TRPM3: variants seen among roughly 807,000 people sequenced by gnomAD.
TRPM3 encodes the protein transient receptor potential cation channel subfamily M member 3, also known as long transient receptor potential channel 3.
Under a neutral mutation model 181.2 loss-of-function variants are expected in TRPM3, and 77 were observed. That is an observed-to-expected ratio of 0.42 (90% CI 0.35 to 0.51). The LOEUF (loss-of-function observed/expected upper bound fraction) is 0.51. Among genes scored for constraint, TRPM3 ranks in the 20% least tolerant of loss-of-function variants. TRPM3 has a pLI of 0.01. For synonymous variants in TRPM3, 745 were observed against 796.4 expected (o/e 0.94, Z 1.09); for missense variants, 1,759 against 2,196.7 (o/e 0.80, Z 3.98).
chr9:71,305,898 TAGGATC>T (rs990537867), intron 1 of TRPM3, among the ~76,000 whole-genome samples: 1 of 152,138 alleles, frequency 6.6e-6, no homozygotes, highest in African/African-American at 2.4e-5. Flanking sequence ...ATCTATCTTA[TAGGATC>T]AGGGTTTTTT....
intron 1 of TRPM3, among the ~76,000 whole-genome samples, chr9:71,222,879 T>C (rs2080325152): frequency 6.6e-6 from 1 of 152,170 alleles, no homozygotes; most frequent in Non-Finnish European, 1.5e-5. Flanking sequence ...GAATTGCCCA[T>C]GGCAGAGATT....
At chr9:71,041,094 C>G (rs12341381) in intron 1 of TRPM3, among the ~76,000 whole-genome samples, 6,766 of 152,088 alleles carry the variant, frequency 0.044, 249 homozygotes, top group African/African-American at 0.097. Context: ...GATCACTGTA[C>G]TAGTGTTAGG....
chr9:70,775,501 T>G (rs1391718860), intron 7 of TRPM3: 3 of 152,142 alleles, frequency 2.0e-5, no homozygotes, highest in Non-Finnish European at 4.4e-5. Context: ...CAGTGGATCT[T>G]GAGTCCAAGC....
intron 1 of TRPM3, among the ~76,000 whole-genome samples, chr9:71,334,258 C>T (rs183926855): frequency 6.6e-6 from 1 of 151,626 alleles, no homozygotes; most frequent in East Asian, 1.9e-4. Context: ...TTAAATCTGC[C>T]TAATATTTTG....
At chr9:71,376,374 T>G (rs1009743930) in intron 1 of TRPM3, among the ~76,000 whole-genome samples, 1 of 152,062 alleles carries the variant, frequency 6.6e-6, no homozygotes, top group Non-Finnish European at 1.5e-5. Flanking sequence ...ACATGAATAT[T>G]TTAATAGAAT....
At chr9:71,307,897 T>G (rs778108739) in intron 1 of TRPM3, among the ~76,000 whole-genome samples, 1 of 152,110 alleles carries the variant, frequency 6.6e-6, no homozygotes, top group Non-Finnish European at 1.5e-5. Flanking sequence ...TTTATTTTGT[T>G]TTAAAAATTT....
Position 70,929,500 on chromosome 9 carries a change from T to A in TRPM3, c.178-64989A>T, listed in dbSNP as rs751863603. Among the ~76,000 whole-genome samples, 318 of 152,230 alleles carry A rather than the reference T, an allele frequency of 2.1e-3. 1 individual carries two copies. The highest frequency in any genetic ancestry group is 3.4e-3 in the Middle Eastern group (1 of 294). ...TACAGGCGTGACCCACCGGCCTTTT[T>A]AAAATTATTTTATTTATTTATTTAT... is the stretch of plus-strand genomic sequence containing the variant. On this transcript the variant is annotated intron_variant, in intron 1 of 25. Transcript: ENST00000677713.
chr9:70,871,041 AAGAT>A (rs2095780069), intron 1 of TRPM3, among the ~76,000 whole-genome samples: 2 of 151,958 alleles, frequency 1.3e-5, no homozygotes, highest in South Asian at 2.1e-4. Flanking sequence ...ATTAAGTAAA[AAGAT>A]AGAGGGATCA....
At chr9:70,923,879 T>C (rs900841019) in intron 1 of TRPM3, among the ~76,000 whole-genome samples, 4 of 149,002 alleles carry the variant, frequency 2.7e-5, no homozygotes, top group Non-Finnish European at 5.9e-5. Flanking sequence ...TACATATATA[T>C]ACACACACAC....
chr9:70,876,563 A>T (rs11787887), intron 1 of TRPM3, among the ~76,000 whole-genome samples: 11,087 of 151,840 alleles, frequency 0.073, 493 homozygotes, highest in Middle Eastern at 0.13. Context: ...AAGATAGCAC[A>T]AAAATACAGA....
intron 1 of TRPM3, among the ~76,000 whole-genome samples, chr9:71,191,074 T>C (rs972654994): frequency 6.6e-6 from 1 of 151,838 alleles, no homozygotes; most frequent in Non-Finnish European, 1.5e-5. Flanking sequence ...GGAGCCATTG[T>C]CTTAGATTTA....
At chr9:70,983,254 T>C (rs1339165150) in intron 1 of TRPM3, among the ~76,000 whole-genome samples, 2 of 152,156 alleles carry the variant, frequency 1.3e-5, no homozygotes, top group Non-Finnish European at 2.9e-5. Context: ...CTTTTGTAGG[T>C]TGATGCTGCT....
At chr9:70,538,072 C>T (rs1279172747) in intron 25 of TRPM3, among the ~76,000 whole-genome samples, 2 of 152,102 alleles carry the variant, frequency 1.3e-5, no homozygotes, top group Non-Finnish European at 2.9e-5. Flanking sequence ...CTAATCTAAT[C>T]CAATCCCTTC....
intron 1 of TRPM3, among the ~76,000 whole-genome samples, chr9:71,420,634 A>T (rs2093715072): frequency 7.2e-6 from 1 of 138,174 alleles, no homozygotes; most frequent in Non-Finnish European, 1.6e-5. Flanking sequence ...AAAGAAAAAG[A>T]AAAAGAGAGA....
intron 6 of TRPM3, among the ~76,000 whole-genome samples, chr9:70,815,089 A>AT (rs982275028): frequency 3.3e-4 from 50 of 152,154 alleles, no homozygotes; most frequent in East Asian, 5.8e-4. Flanking sequence ...CCTTTCAGGT[A>AT]TTTTTATAAG....
At chr9:71,385,647 A>C in intron 1 of TRPM3, among the ~76,000 whole-genome samples, 1 of 152,174 alleles carries the variant, frequency 6.6e-6, no homozygotes, top group East Asian at 1.9e-4. Flanking sequence ...GTTACTATTG[A>C]TATAATTACA....
chr9:70,577,785 T>G (rs1343007546), intron 22 of TRPM3, among the ~76,000 whole-genome samples: 1 of 152,208 alleles, frequency 6.6e-6, no homozygotes, highest in Admixed American at 6.5e-5. Context: ...ACCTGTTTGA[T>G]AGTGGTGTCC....
chr9:70,692,586 T>C (rs1196275601), intron 8 of TRPM3, among the ~76,000 whole-genome samples: 1 of 152,206 alleles, frequency 6.6e-6, no homozygotes, highest in Non-Finnish European at 1.5e-5. Flanking sequence ...CATGTGCATA[T>C]GTTGAGAATG....
intron 1 of TRPM3, among the ~76,000 whole-genome samples, chr9:71,026,752 G>A (rs962143630): frequency 2.0e-5 from 3 of 152,112 alleles, no homozygotes; most frequent in South Asian, 2.1e-4. Flanking sequence ...CACCCTAAGC[G>A]GCCACCACTG....
Sources: gnomAD v4.1 joint callset for allele counts (sites outside exome capture counted in the v4.1 genomes callset) on GRCh38, gnomAD v4.1.1 for gene constraint, MANE v1.5 for transcripts, NCBI Gene and HGNC (gene_info 2026-07-23, HGNC 2026-07-21) for gene names.